PTPRD: variants seen among roughly 807,000 people sequenced by gnomAD.
The protein encoded by PTPRD is protein tyrosine phosphatase receptor type D.
In PTPRD, 34 loss-of-function variants were observed where a neutral mutation model predicts 214.5. That is an observed-to-expected ratio of 0.16 (90% CI 0.12 to 0.21). The LOEUF (loss-of-function observed/expected upper bound fraction) is 0.21, where lower values mean the gene tolerates loss of function less well. Among genes scored for constraint, PTPRD ranks in the 10% least tolerant of loss-of-function variants. The probability of loss-of-function intolerance (pLI) is 1.00; values close to 1 mark genes in which losing one functional copy is unlikely to be tolerated. For synonymous variants in PTPRD, 1,128 were observed against 845.7 expected, an observed-to-expected ratio of 1.33 and a Z score of -5.79; for missense variants, 2,545 against 2,398.7, an observed-to-expected ratio of 1.06 and a Z score of -1.27.
At chr9:9,520,333 T>A (rs1235874501) in intron 8 of PTPRD, among the ~76,000 whole-genome samples, 1 of 148,612 alleles carries the variant, frequency 6.7e-6, no homozygotes, top group Admixed American at 6.7e-5. Context: ...ATTAATAATA[T>A]CTGGGAATGA....
At chr9:10,051,712 G>C (rs1357560992) in intron 3 of PTPRD, among the ~76,000 whole-genome samples, 1 of 151,908 alleles carries the variant, frequency 6.6e-6, no homozygotes, top group Non-Finnish European at 1.5e-5. Context: ...TCAAGGAATG[G>C]TGTATTGCTT....
intron 5 of PTPRD, among the ~76,000 whole-genome samples, chr9:9,882,827 C>T (rs973871655): frequency 1.3e-5 from 2 of 152,072 alleles, no homozygotes; most frequent in African/African-American, 4.8e-5. Flanking sequence ...AAGTGGGGGC[C>T]TAATGGGAAG....
intron 4 of PTPRD, among the ~76,000 whole-genome samples, chr9:9,951,549 A>G (rs1473443168): frequency 2.6e-5 from 4 of 152,340 alleles, no homozygotes; most frequent in African/African-American, 9.6e-5. Flanking sequence ...TGTTAAAAAC[A>G]GCACCCCCCA....
chr9:8,520,339 A>T lies in PTPRD; in HGVS notation c.961+938T>A, dbSNP rs80332455. The stretch of plus-strand genomic sequence containing the variant: ...ATGTCATTAGTTTTATATAGCATAT[A>T]TTTGATATATACGCTTGGTTAGAGA... On this transcript the variant is annotated intron_variant, in intron 20 of 45. Transcript: ENST00000381196. Among the ~76,000 whole-genome samples the T allele has an allele frequency of 2.4e-3, 358 of 152,276 alleles. 6 individuals carry two copies. Among genetic ancestry groups the T allele is most frequent in the Non-Finnish European group, 3.4e-3 (229 of 68,018 alleles).
intron 8 of PTPRD, among the ~76,000 whole-genome samples, chr9:9,436,445 T>TGATTA: frequency 6.6e-6 from 1 of 152,270 alleles, no homozygotes; most frequent in African/African-American, 2.4e-5. Context: ...TAACACTGAC[T>TGATTA]GATTAGATAC....
At chr9:9,230,207 A>G (rs2099962223) in intron 9 of PTPRD, among the ~76,000 whole-genome samples, 1 of 152,132 alleles carries the variant, frequency 6.6e-6, no homozygotes. Flanking sequence ...AGATAACTTC[A>G]GAATGGGGCG....
chr9:9,230,525 G>A (rs546863772), intron 9 of PTPRD, among the ~76,000 whole-genome samples: 3 of 152,238 alleles, frequency 2.0e-5, no homozygotes, highest in Admixed American at 6.6e-5. Context: ...AAGTATGGGA[G>A]GCCCAGGCTT....
chr9:9,841,632 G>C (rs747391044), intron 5 of PTPRD, among the ~76,000 whole-genome samples: 3 of 152,140 alleles, frequency 2.0e-5, no homozygotes, highest in African/African-American at 4.8e-5. Flanking sequence ...TAAAGATGAA[G>C]TTGTTAGCAC....
At chr9:8,554,290 G>T (rs1483271741) in intron 14 of PTPRD, among the ~76,000 whole-genome samples, 1 of 152,012 alleles carries the variant, frequency 6.6e-6, no homozygotes, top group Non-Finnish European at 1.5e-5. Flanking sequence ...TGAGTTATGA[G>T]GAAGAGAAAT....
At chr9:9,449,743 T>TA (rs1339136204) in intron 8 of PTPRD, among the ~76,000 whole-genome samples, 3 of 151,964 alleles carry the variant, frequency 2.0e-5, no homozygotes, top group Non-Finnish European at 4.4e-5. Flanking sequence ...TCTTTTTTTT[T>TA]AAATTTCAAT....
At chr9:10,530,495 G>A (rs1298548037) in intron 2 of PTPRD, among the ~76,000 whole-genome samples, 1 of 151,972 alleles carries the variant, frequency 6.6e-6, no homozygotes, top group African/African-American at 2.4e-5. Context: ...CACTTACCAC[G>A]TTTTGAATGC....
chr9:9,094,237 G>A (rs1037108847), intron 10 of PTPRD, among the ~76,000 whole-genome samples: 2 of 152,090 alleles, frequency 1.3e-5, no homozygotes, highest in African/African-American at 4.8e-5. Context: ...CATATTTATA[G>A]CAGCCACAAC....
intron 8 of PTPRD, among the ~76,000 whole-genome samples, chr9:9,530,623 A>T (rs921100833): frequency 7.9e-5 from 12 of 152,212 alleles, no homozygotes; most frequent in African/African-American, 2.7e-4. Flanking sequence ...AGAATTGACT[A>T]AATGTCCATC....
chr9:10,223,155 A>T (rs539676115), intron 3 of PTPRD, among the ~76,000 whole-genome samples: 1 of 150,716 alleles, frequency 6.6e-6, no homozygotes, highest in South Asian at 2.1e-4. Context: ...CATTTTCCTA[A>T]TGTGTCTCTT....
At chr9:10,486,647 A>G (rs1368079381) in intron 2 of PTPRD, among the ~76,000 whole-genome samples, 1 of 151,898 alleles carries the variant, frequency 6.6e-6, no homozygotes, top group Non-Finnish European at 1.5e-5. Context: ...TTCTAGTTTT[A>G]CTCCATTGTA....
chr9:10,425,325 C>T (rs1032282709), intron 2 of PTPRD, among the ~76,000 whole-genome samples: 1 of 151,938 alleles, frequency 6.6e-6, no homozygotes, highest in Non-Finnish European at 1.5e-5. Flanking sequence ...TACTTTACAA[C>T]ACATTAAACC....
At chr9:9,393,427 C>T (rs2066591471) in intron 9 of PTPRD, among the ~76,000 whole-genome samples, 1 of 152,016 alleles carries the variant, frequency 6.6e-6, no homozygotes, top group Admixed American at 6.6e-5. Context: ...ATATGGACAG[C>T]CATTGGAAGG....
intron 4 of PTPRD, among the ~76,000 whole-genome samples, chr9:9,955,909 T>C (rs1194728585): frequency 6.6e-6 from 1 of 152,180 alleles, no homozygotes; most frequent in Non-Finnish European, 1.5e-5. Context: ...CCTGAAACAG[T>C]ATCAGAAGGA....
At chr9:9,834,528 A>C (rs536581128) in intron 5 of PTPRD, among the ~76,000 whole-genome samples, 1 of 151,988 alleles carries the variant, frequency 6.6e-6, no homozygotes, top group Non-Finnish European at 1.5e-5. Context: ...TTATTCTACC[A>C]GTTCCTAAGT....
Sources: gnomAD v4.1 joint callset for allele counts (sites outside exome capture counted in the v4.1 genomes callset) on GRCh38, gnomAD v4.1.1 for gene constraint, MANE v1.5 for transcripts, NCBI Gene and HGNC (gene_info 2026-07-23, HGNC 2026-07-21) for gene names.